CNTN4: variants seen among roughly 807,000 people sequenced by gnomAD.
CNTN4 encodes the protein contactin 4.
In CNTN4, 77 loss-of-function variants were observed where a neutral mutation model predicts 122.5. The observed-to-expected ratio is 0.63, with a 90% confidence interval of 0.52 to 0.76. CNTN4 has a LOEUF of 0.76. Ranked by LOEUF, CNTN4 falls within the 30% of genes least tolerant of loss-of-function variation. The probability of loss-of-function intolerance (pLI) is 0.00; values close to 1 mark genes in which losing one functional copy is unlikely to be tolerated. For synonymous variants in CNTN4, 512 were observed against 447.0 expected (o/e 1.15, Z -1.83); for missense variants, 1,256 against 1,259.1 (o/e 1.00, Z 0.04).
chr3:2,761,305 G>T (rs2090577950), intron 6 of CNTN4, among the ~76,000 whole-genome samples: 2 of 152,140 alleles, frequency 1.3e-5, no homozygotes, highest in South Asian at 4.1e-4. Context: ...GTGACCTTCA[G>T]TAAGTTTCTA....
At chr3:2,979,577 TA>T (rs1693766679) in intron 13 of CNTN4, among the ~76,000 whole-genome samples, 1 of 152,016 alleles carries the variant, frequency 6.6e-6, no homozygotes, top group Non-Finnish European at 1.5e-5. Flanking sequence ...CAATCATGTA[TA>T]AAAGAGAGTA....
chr3:2,515,169 A>G (rs1293422179), intron 3 of CNTN4, among the ~76,000 whole-genome samples: 1 of 152,158 alleles, frequency 6.6e-6, no homozygotes, highest in Non-Finnish European at 1.5e-5. Context: ...TCTGTTATAT[A>G]TTAGAATTAC....
intron 14 of CNTN4, among the ~76,000 whole-genome samples, chr3:3,018,884 T>G (rs1399006503): frequency 6.6e-6 from 1 of 152,088 alleles, no homozygotes; most frequent in East Asian, 1.9e-4. Flanking sequence ...TGAACCTTAC[T>G]GGACCAGAAA....
chr3:2,365,239 A>G (rs2045327790), intron 3 of CNTN4, among the ~76,000 whole-genome samples: 1 of 152,132 alleles, frequency 6.6e-6, no homozygotes, highest in African/African-American at 2.4e-5. Context: ...AGTTTCTTTC[A>G]TCTGCACTCC....
At chr3:2,703,855 T>A (rs1203958124) in intron 4 of CNTN4, among the ~76,000 whole-genome samples, 3 of 151,966 alleles carry the variant, frequency 2.0e-5, no homozygotes, top group Non-Finnish European at 4.4e-5. Flanking sequence ...GAGCTAAGTA[T>A]TACACTACAA....
chr3:3,026,755 A>G (rs1698756867), intron 15 of CNTN4, among the ~76,000 whole-genome samples: 1 of 152,150 alleles, frequency 6.6e-6, no homozygotes, highest in Admixed American at 6.5e-5. Context: ...TCTTTCTTGA[A>G]TTTGAAAGTC....
Position 2,385,618 on chromosome 3 carries a change from T to C in CNTN4, c.-89+46385T>C, listed in dbSNP as rs1575519966. Among the ~76,000 whole-genome samples, 1 of 152,108 alleles carries C rather than the reference T, an allele frequency of 6.6e-6. No homozygotes were observed. The highest frequency in any genetic ancestry group is 1.9e-4 in the East Asian group (1 of 5,178). On this transcript the variant is annotated intron_variant, in intron 3 of 24. Coordinates refer to ENST00000418658, the MANE Select transcript of CNTN4 (RefSeq NM_175607.3). This position sits in a 1 kb window ranked among gnomAD's most constrained non-coding sequence, Gnocchi z 4.0. Reference sequence around the variant, plus strand: ...GAGGGTCGCATCTCTCAGCTTCTGTTAGCCCCAGTTGTTCTGCAGCTTGTG... The same window carrying C: ...GAGGGTCGCATCTCTCAGCTTCTGTCAGCCCCAGTTGTTCTGCAGCTTGTG...
intron 3 of CNTN4, among the ~76,000 whole-genome samples, chr3:2,376,837 C>T (rs1442356540): frequency 6.6e-6 from 1 of 152,138 alleles, no homozygotes; most frequent in Non-Finnish European, 1.5e-5. Flanking sequence ...AGTGTTAAGG[C>T]ACCAGCTGAA....
rs760915447 is a variant in CNTN4 at position 2,925,629 on chromosome 3, C to A, written c.1208C>A (p.Ala403Asp). Residue 403 changes from alanine (A) to aspartate (D), a missense_variant and splice_region_variant, in exon 13 of 25, where the codon GCT becomes GAT. By Grantham distance (126) the Ala-to-Asp change is moderately radical. Transcript: ENST00000418658. Reference sequence around the variant, plus strand: ...AATTATTTTTTGTACTGTCTTTCAGCTGTAGGTCCAGATTTTTCAAGAACA... The same window carrying A: ...AATTATTTTTTGTACTGTCTTTCAGATGTAGGTCCAGATTTTTCAAGAACA... Reference protein sequence around the residue: ...IFSNAELSVIAVGPDFSRTLL... With the variant: ...IFSNAELSVIDVGPDFSRTLL... 5.6e-6 allele frequency: 9 copies of A among 1,613,334 alleles called. No homozygotes were observed. The African/African-American group carries it at 1.1e-4, about 19-fold the overall frequency.
intron 4 of CNTN4, among the ~76,000 whole-genome samples, chr3:2,710,828 T>G (rs2087102013): frequency 6.6e-6 from 1 of 152,208 alleles, no homozygotes; most frequent in South Asian, 2.1e-4. Context: ...CCTTTGCTTG[T>G]GGCAAAGGCT....
At chr3:3,008,683 A>C (rs989975524) in intron 14 of CNTN4, among the ~76,000 whole-genome samples, 9 of 152,240 alleles carry the variant, frequency 5.9e-5, no homozygotes, top group African/African-American at 2.2e-4. Context: ...CCTGACACAG[A>C]GACACTCTAC....
At chr3:2,426,753 T>C (rs1284016235) in intron 3 of CNTN4, among the ~76,000 whole-genome samples, 1 of 152,160 alleles carries the variant, frequency 6.6e-6, no homozygotes, top group Non-Finnish European at 1.5e-5. Flanking sequence ...TCAGTGGCTG[T>C]TATTGGTCTA....
At chr3:2,655,207 T>C (rs1034378946) in intron 4 of CNTN4, among the ~76,000 whole-genome samples, 1 of 152,198 alleles carries the variant, frequency 6.6e-6, no homozygotes, top group African/African-American at 2.4e-5. Flanking sequence ...GGAGCCTATG[T>C]TGCCTTTTGA....
chr3:2,377,572 A>T (rs1219167187), intron 3 of CNTN4, among the ~76,000 whole-genome samples: 1 of 152,188 alleles, frequency 6.6e-6, no homozygotes, highest in Admixed American at 6.5e-5. Context: ...AGTTTCTTTT[A>T]AAAAACACAG....
intron 12 of CNTN4, among the ~76,000 whole-genome samples, chr3:2,924,404 A>C (rs891701228): frequency 9.2e-5 from 14 of 152,010 alleles, no homozygotes; most frequent in Non-Finnish European, 1.9e-4. Flanking sequence ...ACATGGTCTT[A>C]AATATTAAAT....
At chr3:2,866,673 C>T in intron 7 of CNTN4, 79 bp from the exon 8 acceptor site, 2 of 1,373,966 alleles carry the variant, frequency 1.5e-6, no homozygotes, top group East Asian at 4.6e-5. Context: ...ACATTTTTAA[C>T]CTGATCATTT....
At chr3:2,432,585 T>G (rs1267429150) in intron 3 of CNTN4, among the ~76,000 whole-genome samples, 1 of 151,998 alleles carries the variant, frequency 6.6e-6, no homozygotes, top group Non-Finnish European at 1.5e-5. Context: ...ACCCTGTGTG[T>G]GTGTGTATGT....
intron 2 of CNTN4, among the ~76,000 whole-genome samples, chr3:2,182,729 A>G (rs2037073565): frequency 6.6e-6 from 1 of 152,152 alleles, no homozygotes; most frequent in East Asian, 1.9e-4. Context: ...TTGGTATTAA[A>G]TAATATTGAA....
chr3:2,123,094 C>G lies in CNTN4; in HGVS notation c.-145+22455C>G, dbSNP rs73804694. ...CATCCTCAGCAAAGTGATAACCTAG[C>G]TGATCTTCTGAGAACCCTCAGCCAG... On this transcript the variant is annotated intron_variant, in intron 2 of 24. Transcript: ENST00000418658. Among the ~76,000 whole-genome samples the G allele has an allele frequency of 9.9e-3, 1,512 of 152,272 alleles. 22 individuals carry two copies. Among genetic ancestry groups the G allele is most frequent in the African/African-American group, 0.034 (1,412 of 41,556 alleles).
Sources: gnomAD v4.1 joint callset for allele counts (sites outside exome capture counted in the v4.1 genomes callset) on GRCh38, gnomAD v4.1.1 for gene constraint, Gnocchi (gnomAD v3.1) non-coding constraint, MANE v1.5 for transcripts, NCBI Gene and HGNC (gene_info 2026-07-23, HGNC 2026-07-21) for gene names.